SLC17A6: variants seen among roughly 807,000 people sequenced by gnomAD.
The protein encoded by SLC17A6 is solute carrier family 17 member 6.
Under a neutral mutation model 67.1 loss-of-function variants are expected in SLC17A6, and 35 were observed. The observed-to-expected ratio is 0.52, with a 90% CI of 0.40 to 0.69. SLC17A6 has a LOEUF of 0.69. Among genes scored for constraint, SLC17A6 ranks in the 30% least tolerant of loss-of-function variants. The probability of loss-of-function intolerance (pLI) is 0.00; values close to 1 mark genes in which losing one functional copy is unlikely to be tolerated. For missense variants in SLC17A6, 588 were observed against 723.9 expected (o/e 0.81, Z 2.15); for synonymous variants, 285 against 252.3 (o/e 1.13, Z -1.23).
chr11:22,352,973 T>A (rs759937497), intron 3 of SLC17A6, among the ~76,000 whole-genome samples: 3 of 152,310 alleles, frequency 2.0e-5, no homozygotes. Context: ...CTTCTGCACT[T>A]AATGAAAGCT....
intron 3 of SLC17A6, among the ~76,000 whole-genome samples, chr11:22,350,067 G>A (rs1471136895): frequency 6.6e-6 from 1 of 152,118 alleles, no homozygotes; most frequent in African/African-American, 2.4e-5. Flanking sequence ...TCATTTTGGG[G>A]TGGGCTTGAT....
At chr11:22,370,482 A>T (rs945521607) in intron 8 of SLC17A6, among the ~76,000 whole-genome samples, 1 of 152,076 alleles carries the variant, frequency 6.6e-6, no homozygotes, top group Non-Finnish European at 1.5e-5. Flanking sequence ...TTTCCCTGTA[A>T]ATAAACATAA....
chr11:22,342,307 G>A (rs780205439), intron 2 of SLC17A6, among the ~76,000 whole-genome samples: 2 of 152,094 alleles, frequency 1.3e-5, no homozygotes, highest in African/African-American at 4.8e-5. Context: ...GCAGGGAGTC[G>A]CGCCCAGAGA....
At chr11:22,376,179 A>G (rs1157760822) in intron 10 of SLC17A6, 87 bp downstream of exon 10, 4 of 738,280 alleles carry the variant, frequency 5.4e-6, no homozygotes, top group African/African-American at 5.3e-5. Flanking sequence ...TTTTATAGAT[A>G]TCTTCATATA....
At chr11:22,366,936 G>A (rs987309502) in intron 7 of SLC17A6, among the ~76,000 whole-genome samples, 1 of 150,632 alleles carries the variant, frequency 6.6e-6, no homozygotes, top group Non-Finnish European at 1.5e-5. Flanking sequence ...AACCAGGGAG[G>A]TGGAGGTTGC....
intron 3 of SLC17A6, among the ~76,000 whole-genome samples, chr11:22,356,993 T>C (rs1014745681): frequency 6.6e-6 from 1 of 152,242 alleles, no homozygotes; most frequent in African/African-American, 2.4e-5. Context: ...TTTGTGAAGA[T>C]TATCATTTAA....
chr11:22,365,883 T>G (rs542085329), intron 7 of SLC17A6, among the ~76,000 whole-genome samples, 194 bp downstream of exon 7: 1 of 152,300 alleles, frequency 6.6e-6, no homozygotes, highest in South Asian at 2.1e-4. Context: ...ATTTTTTTCC[T>G]TTATCCTTTC....
At chr11:22,362,408 G>A (rs1252752941) in intron 5 of SLC17A6, 5 of 367,122 alleles carry the variant, frequency 1.4e-5, no homozygotes, top group Non-Finnish European at 2.6e-5. Context: ...TTAGGTGTCT[G>A]GTTAGTATTG....
chr11:22,364,486 T>G (rs1856086681), intron 6 of SLC17A6, among the ~76,000 whole-genome samples: 1 of 152,190 alleles, frequency 6.6e-6, no homozygotes. Flanking sequence ...CAGTCAGGAT[T>G]TGAATCTGGG....
intron 3 of SLC17A6, among the ~76,000 whole-genome samples, chr11:22,358,304 C>T (rs910189630): frequency 2.6e-5 from 4 of 152,056 alleles, no homozygotes; most frequent in African/African-American, 9.7e-5. Context: ...TTGGTATAAA[C>T]ATTATAGAAG....
chr11:22,342,881 A>G, intron 2 of SLC17A6: 1 of 457,452 alleles, frequency 2.2e-6, no homozygotes, highest in Middle Eastern at 3.3e-4. Flanking sequence ...CGGATTCGTT[A>G]AGTGGACCCC....
At chr11:22,368,797 G>T (rs1038925717) in intron 7 of SLC17A6, among the ~76,000 whole-genome samples, 1 of 151,956 alleles carries the variant, frequency 6.6e-6, no homozygotes, top group Admixed American at 6.6e-5. Flanking sequence ...TTTAAAAACT[G>T]TACTTTTGGA....
At chr11:22,354,376 G>A (rs1166494701) in intron 3 of SLC17A6, among the ~76,000 whole-genome samples, 1 of 152,102 alleles carries the variant, frequency 6.6e-6, no homozygotes, top group African/African-American at 2.4e-5. Flanking sequence ...GAGCCACCGC[G>A]CCCGGCAATT....
At chr11:22,358,479 C>A (rs533862641) in intron 3 of SLC17A6, among the ~76,000 whole-genome samples, 1 of 152,270 alleles carries the variant, frequency 6.6e-6, no homozygotes, top group African/African-American at 2.4e-5. Context: ...AGGCGCACAC[C>A]ACCACAACCA....
chr11:22,340,853 C>T (rs1002137011), intron 1 of SLC17A6, among the ~76,000 whole-genome samples: 3 of 152,182 alleles, frequency 2.0e-5, no homozygotes, highest in African/African-American at 7.2e-5. Flanking sequence ...GCATGACACT[C>T]TCAGCGAGAG....
chr11:22,343,880 T>C (rs144767651), intron 3 of SLC17A6, among the ~76,000 whole-genome samples: 1 of 152,108 alleles, frequency 6.6e-6, no homozygotes, highest in African/African-American at 2.4e-5. Flanking sequence ...GCACCAGCGA[T>C]GCGATTTCAC....
At chr11:22,369,580 C>A (rs189494693) in intron 7 of SLC17A6, among the ~76,000 whole-genome samples, 4 of 152,024 alleles carry the variant, frequency 2.6e-5, no homozygotes. Context: ...GAATACTGTA[C>A]TCTTAAGATT....
At chr11:22,366,883 G>T (rs1185332301) in intron 7 of SLC17A6, among the ~76,000 whole-genome samples, 2 of 151,440 alleles carry the variant, frequency 1.3e-5, no homozygotes, top group African/African-American at 2.4e-5. Context: ...GTGTGAGCCT[G>T]TAATCCCAGC....
intron 3 of SLC17A6, among the ~76,000 whole-genome samples, chr11:22,353,561 C>T (rs866433076): frequency 2.0e-5 from 3 of 152,194 alleles, no homozygotes; most frequent in Non-Finnish European, 2.9e-5. Context: ...TTAACTAATA[C>T]TGTATCATGC....
Sources: allele counts gnomAD v4.1 joint callset (sites outside exome capture counted in the v4.1 genomes callset), GRCh38; gene constraint gnomAD v4.1.1; transcripts MANE v1.5; gene names NCBI Gene and HGNC (gene_info 2026-07-23, HGNC 2026-07-21).